RHPN2: variants seen among roughly 807,000 people sequenced by gnomAD.
The protein encoded by RHPN2 is rhophilin Rho GTPase binding protein 2.
A neutral mutation model predicts 79.0 loss-of-function variants in RHPN2; 40 were observed. The ratio of observed to expected loss-of-function variants is 0.51; its 90% CI spans 0.39 to 0.66. The LOEUF is 0.66. Ranked by LOEUF, RHPN2 falls within the 30% of genes least tolerant of loss-of-function variation. The pLI is 0.00. For synonymous variants in RHPN2, 285 were observed against 363.5 expected (o/e 0.78, Z 2.46); for missense variants, 686 against 883.5 (o/e 0.78, Z 2.83).
chr19:33,006,195 A>T (rs866939904), intron 7 of RHPN2, among the ~76,000 whole-genome samples: 5 of 64,776 alleles, frequency 7.7e-5, no homozygotes, highest in East Asian at 7.1e-4. Context: ...CATTAATTTA[A>T]AAAAAAAAAA....
chr19:33,005,924 T>A (rs963830992), intron 7 of RHPN2, among the ~76,000 whole-genome samples: 5 of 152,148 alleles, frequency 3.3e-5, no homozygotes, highest in African/African-American at 1.2e-4. Flanking sequence ...GACAGGGTCT[T>A]GCTCTGTCGC....
intron 4 of RHPN2, among the ~76,000 whole-genome samples, chr19:33,014,524 T>C (rs941425321): frequency 2.0e-5 from 3 of 152,066 alleles, no homozygotes; most frequent in African/African-American, 7.2e-5. Context: ...TAGGCTGGTC[T>C]CGGACTCCTG....
At chr19:32,988,405 T>C (rs7245703) in intron 14 of RHPN2, among the ~76,000 whole-genome samples, 60,684 of 151,778 alleles carry the variant, frequency 0.4, 12,304 homozygotes, top group East Asian at 0.48. Flanking sequence ...GGGCCACTCA[T>C]GTCTCTCTAA....
rs113449368 is a variant in RHPN2, at chr19:33,000,121, C to T, written c.1106-416G>A. On this transcript the variant is annotated intron_variant, in intron 9 of 14. Coordinates refer to ENST00000254260, the MANE Select transcript of RHPN2 (RefSeq NM_033103.5). ...CCCTGGGTTCAAACGATCCTCCTGC[C>T]TTAGCCTCCCAAAGTGCTGGGATCA... is the stretch of plus-strand genomic sequence containing the variant. Among the ~76,000 whole-genome samples the T allele has an allele frequency of 1.2e-4, 18 of 152,226 alleles. 1 individual carries two copies. The highest frequency in any genetic ancestry group is 4.1e-4 in the African/African-American group (17 of 41,552).
At chr19:33,034,373 A>C (rs1972037713) in intron 2 of RHPN2, among the ~76,000 whole-genome samples, 1 of 151,692 alleles carries the variant, frequency 6.6e-6, no homozygotes. Context: ...TGGGAGGCCG[A>C]GGTGGGCAGA....
chr19:33,037,685 G>A (rs1326129363), intron 2 of RHPN2, among the ~76,000 whole-genome samples: 5 of 151,884 alleles, frequency 3.3e-5, no homozygotes, highest in South Asian at 2.1e-4. Flanking sequence ...CTGCAGCTTC[G>A]CTCCTGAGCC....
chr19:33,059,301 C>CT (rs1326208216), intron 1 of RHPN2, among the ~76,000 whole-genome samples: 5 of 121,976 alleles, frequency 4.1e-5, no homozygotes, highest in South Asian at 3.2e-4. Context: ...TTTCTTTTAT[C>CT]ATTTTTTTTT....
At chr19:32,996,798 C>T (rs1403400943) in intron 10 of RHPN2, among the ~76,000 whole-genome samples, 1 of 152,036 alleles carries the variant, frequency 6.6e-6, no homozygotes, top group African/African-American at 2.4e-5. Flanking sequence ...TCTCAGTCAC[C>T]GGCTAATAAA....
chr19:33,052,401 G>A (rs1484343412), intron 1 of RHPN2, among the ~76,000 whole-genome samples: 1 of 152,210 alleles, frequency 6.6e-6, no homozygotes, highest in Non-Finnish European at 1.5e-5. Flanking sequence ...GAGATGACAC[G>A]GTAGGGCTGG....
At chr19:33,061,618 G>A (rs1314460534) in intron 1 of RHPN2, among the ~76,000 whole-genome samples, 1 of 151,882 alleles carries the variant, frequency 6.6e-6, no homozygotes, top group African/African-American at 2.4e-5. Context: ...CAAGTAGCTG[G>A]GATTACAGGC....
intron 2 of RHPN2, among the ~76,000 whole-genome samples, chr19:33,030,875 C>T (rs902649976): frequency 1.3e-5 from 2 of 152,188 alleles, no homozygotes; most frequent in African/African-American, 2.4e-5. Context: ...CTCGGTCCCA[C>T]AAGGCTGCCC....
intron 14 of RHPN2, among the ~76,000 whole-genome samples, chr19:32,983,234 G>C (rs565682686): frequency 3.2e-4 from 49 of 151,470 alleles, no homozygotes; most frequent in Admixed American, 6.6e-4. Context: ...CTTTCTTGGC[G>C]GGGCGTGGTG....
At chr19:33,054,931 C>G (rs1229534103) in intron 1 of RHPN2, among the ~76,000 whole-genome samples, 1 of 152,216 alleles carries the variant, frequency 6.6e-6, no homozygotes, top group Non-Finnish European at 1.5e-5. Flanking sequence ...CAGGGGATAC[C>G]TCCCAGCCAG....
chr19:32,984,698 T>C (rs781305585), intron 14 of RHPN2, among the ~76,000 whole-genome samples: 5 of 152,038 alleles, frequency 3.3e-5, no homozygotes, highest in African/African-American at 4.8e-5. Context: ...ACGCCTGTAA[T>C]CCCAACTATT....
chr19:33,043,286 C>T (rs1185053054), intron 2 of RHPN2, among the ~76,000 whole-genome samples: 2 of 152,230 alleles, frequency 1.3e-5, no homozygotes, highest in Middle Eastern at 3.4e-3. Context: ...CGCAGTAGCT[C>T]GCGCCTGTAA....
At chr19:33,063,719 C>G (rs1972300766) in intron 1 of RHPN2, among the ~76,000 whole-genome samples, 1 of 151,314 alleles carries the variant, frequency 6.6e-6, no homozygotes, top group Non-Finnish European at 1.5e-5. Flanking sequence ...AGGCTGGGGT[C>G]GCTTTTGAGG....
At position 32,980,256 on chromosome 19, in the gene RHPN2, G is replaced by A. The variant is rs763406408; in HGVS notation, c.1801C>T (p.His601Tyr). 16 of 1,613,710 alleles carry A rather than the reference G, an allele frequency of 9.9e-6. No homozygotes were observed. In the Admixed American group the frequency reaches 2.7e-4, roughly 27 times the overall value. ...ACGGAGTATGTGGCACTCTTATTAT[G>A]CTGCACATAGAAAAGTAAGAAAAAG... is the stretch of plus-strand genomic sequence containing the variant. Reference protein sequence around the residue: ...VSLLDSTSSMHNKSATYSVGM... With the variant: ...VSLLDSTSSMYNKSATYSVGM... Residue 601 changes from histidine to tyrosine, a missense_variant and splice_region_variant, in exon 15 of 15, where the codon CAT (histidine) becomes TAT (tyrosine). Transcript: ENST00000254260.
At chr19:33,043,509 G>C (rs1303442842) in intron 2 of RHPN2, among the ~76,000 whole-genome samples, 1 of 152,130 alleles carries the variant, frequency 6.6e-6, no homozygotes, top group Non-Finnish European at 1.5e-5. Flanking sequence ...CCGAGATCAC[G>C]CCACTGCACT....
chr19:32,991,183 C>T (rs1971656965), intron 13 of RHPN2, among the ~76,000 whole-genome samples: 1 of 152,000 alleles, frequency 6.6e-6, no homozygotes, highest in Non-Finnish European at 1.5e-5. Flanking sequence ...TTAGGCCGGG[C>T]CAGGTGGCTC....
Sources: gnomAD v4.1 joint callset for allele counts (sites outside exome capture counted in the v4.1 genomes callset) on GRCh38, gnomAD v4.1.1 for gene constraint, MANE v1.5 for transcripts, NCBI Gene and HGNC (gene_info 2026-07-23, HGNC 2026-07-21) for gene names.